PID1: variants seen among roughly 807,000 people sequenced by gnomAD.
The protein encoded by PID1 is phosphotyrosine interaction domain containing 1, also known as PTB-containing, cubilin and LRP1-interacting protein.
A neutral mutation model predicts 19.1 loss-of-function variants in PID1; 10 were observed. That is an observed-to-expected ratio of 0.52 (90% CI 0.32 to 0.89). The LOEUF is 0.89. PID1 is among the 40% of genes least tolerant of loss of function. PID1 has a pLI of 0.03. For synonymous variants in PID1, 130 were observed against 116.0 expected (o/e 1.12, Z -0.78); for missense variants, 248 against 285.3 (o/e 0.87, Z 0.94).
intron 2 of PID1, among the ~76,000 whole-genome samples, chr2:229,037,189 G>A (rs1273777226): frequency 3.9e-5 from 6 of 152,030 alleles, no homozygotes; most frequent in African/African-American, 1.4e-4. Flanking sequence ...CTAAGTATTT[G>A]CACAGATTAT....
intron 1 of PID1, among the ~76,000 whole-genome samples, chr2:229,178,012 T>C (rs1195168870): frequency 6.6e-6 from 1 of 151,956 alleles, no homozygotes; most frequent in East Asian, 1.9e-4. Flanking sequence ...CTTTCCAGAG[T>C]GTCTGTCAGC....
intron 2 of PID1, among the ~76,000 whole-genome samples, chr2:229,107,677 G>C (rs1033298175): frequency 6.6e-6 from 1 of 152,080 alleles, no homozygotes; most frequent in Non-Finnish European, 1.5e-5. Context: ...TTTTATATTT[G>C]AGCATTTTGA....
intron 2 of PID1, among the ~76,000 whole-genome samples, chr2:229,110,515 T>C (rs1159829033): frequency 1.3e-5 from 2 of 152,132 alleles, no homozygotes; most frequent in African/African-American, 4.8e-5. Flanking sequence ...GACATTCTTA[T>C]GGGGGCCGAG....
chr2:229,187,188 T>A (rs976672503), intron 1 of PID1, among the ~76,000 whole-genome samples: 2 of 152,196 alleles, frequency 1.3e-5, no homozygotes, highest in Admixed American at 1.3e-4. Context: ...TCCCACATTT[T>A]CCTGTCTTCT....
chr2:229,208,525 C>T (rs149444729), intron 1 of PID1, among the ~76,000 whole-genome samples: 3 of 152,332 alleles, frequency 2.0e-5, no homozygotes, highest in African/African-American at 7.2e-5. Context: ...AAGGCAGCCA[C>T]ATTTTTATGC....
intron 2 of PID1, among the ~76,000 whole-genome samples, chr2:229,072,221 G>C (rs909537759): frequency 6.6e-6 from 1 of 152,170 alleles, no homozygotes; most frequent in South Asian, 2.1e-4. Flanking sequence ...ATAATGTATA[G>C]TTGGCAATGG....
intron 1 of PID1, chr2:229,262,843 TG>T: frequency 6.5e-7 from 1 of 1,549,084 alleles, no homozygotes; most frequent in Non-Finnish European, 8.7e-7. Context: ...GTTTCTGCCT[TG>T]ATCTTCACAA....
At chr2:229,245,660 T>C (rs560950398) in intron 1 of PID1, among the ~76,000 whole-genome samples, 1 of 152,314 alleles carries the variant, frequency 6.6e-6, no homozygotes, top group Non-Finnish European at 1.5e-5. Flanking sequence ...GAACGTATTT[T>C]ATAGTTTATG....
At chr2:229,189,354 G>A (rs1454870936) in intron 1 of PID1, among the ~76,000 whole-genome samples, 1 of 152,206 alleles carries the variant, frequency 6.6e-6, no homozygotes, top group Non-Finnish European at 1.5e-5. Context: ...CACTGTGGCT[G>A]TGTCAAGCAT....
At chr2:229,184,961 CCA>C in intron 1 of PID1, among the ~76,000 whole-genome samples, 1 of 101,280 alleles carries the variant, frequency 9.9e-6, no homozygotes, top group Non-Finnish European at 1.9e-5. Context: ...ATATAAAATC[CCA>C]TATATATACT....
chr2:229,190,285 A>G (rs939359910), intron 1 of PID1, among the ~76,000 whole-genome samples: 7 of 152,238 alleles, frequency 4.6e-5, no homozygotes, highest in Non-Finnish European at 1.0e-4. Context: ...TGGAGATGGC[A>G]TAAGGTATCA....
rs555450933 is a variant in PID1, at chr2:229,265,135, T to C, written c.30+5879A>G. Reference sequence around the variant, plus strand: ...TTATAAAGAGACAGATATGCTTTTTTTTCGTTATTTTTTTTTTACCCAAAT... The same window carrying C: ...TTATAAAGAGACAGATATGCTTTTTCTTCGTTATTTTTTTTTTACCCAAAT... On this transcript the variant is annotated intron_variant, in intron 1 of 2. Transcript: ENST00000392055. Among the ~76,000 whole-genome samples the C allele has an allele frequency of 2.0e-5, 3 of 152,344 alleles. No homozygotes were observed. The East Asian group carries it at 5.8e-4, about 29-fold the overall frequency.
chr2:229,111,155 G>T (rs1464104487), intron 2 of PID1, among the ~76,000 whole-genome samples: 1 of 152,132 alleles, frequency 6.6e-6, no homozygotes, highest in Admixed American at 6.6e-5. Context: ...ACATGGAACT[G>T]TGAGTCCATT....
intron 2 of PID1, among the ~76,000 whole-genome samples, chr2:229,140,247 C>T (rs971442634): frequency 1.3e-5 from 2 of 152,104 alleles, no homozygotes; most frequent in Non-Finnish European, 2.9e-5. Context: ...CACTGGAATC[C>T]TCCACCAATC....
intron 2 of PID1, among the ~76,000 whole-genome samples, chr2:229,061,719 A>T (rs1297314643): frequency 1.3e-5 from 2 of 152,024 alleles, no homozygotes; most frequent in Non-Finnish European, 2.9e-5. Context: ...TTTTAATAAT[A>T]TTAATAGTTC....
intron 2 of PID1, among the ~76,000 whole-genome samples, chr2:229,056,029 A>C (rs1694092948): frequency 1.3e-5 from 2 of 152,170 alleles, no homozygotes; most frequent in African/African-American, 2.4e-5. Flanking sequence ...ATTAACCAGA[A>C]AAGGCAAGTC....
chr2:229,038,007 C>T (rs917879891), intron 2 of PID1, among the ~76,000 whole-genome samples: 2 of 152,116 alleles, frequency 1.3e-5, no homozygotes, highest in South Asian at 2.1e-4. Flanking sequence ...GTGCACAACT[C>T]ATTAGGAATG....
intron 1 of PID1, among the ~76,000 whole-genome samples, chr2:229,184,954 TAA>T (rs68058103): frequency 0.99 from 138,530 of 139,876 alleles, 68,595 homozygotes; most frequent in South Asian, 1. Flanking sequence ...CCTATATATA[TAA>T]AATCCCATAT....
intron 2 of PID1, among the ~76,000 whole-genome samples, chr2:229,052,572 T>G (rs1694017958): frequency 6.6e-6 from 1 of 151,944 alleles, no homozygotes; most frequent in Non-Finnish European, 1.5e-5. Context: ...CAAATGGGGA[T>G]CAATAAAATA....
Sources: gnomAD v4.1 joint callset for allele counts (sites outside exome capture counted in the v4.1 genomes callset) on GRCh38, gnomAD v4.1.1 for gene constraint, MANE v1.5 for transcripts, NCBI Gene and HGNC (gene_info 2026-07-23, HGNC 2026-07-21) for gene names.